PCDHA5: variants seen among roughly 807,000 people sequenced by gnomAD.
PCDHA5 encodes protocadherin alpha 5.
A neutral mutation model predicts 61.6 loss-of-function variants in PCDHA5; 43 were observed. That is an observed-to-expected ratio of 0.70 (90% CI 0.55 to 0.90). The LOEUF is 0.90. Ranked by LOEUF, PCDHA5 falls within the 40% of genes least tolerant of loss-of-function variation. The probability of loss-of-function intolerance (pLI) is 0.00; values close to 1 mark genes in which losing one functional copy is unlikely to be tolerated. For synonymous variants in PCDHA5, 627 were observed against 543.9 expected (o/e 1.15, Z -2.13); for missense variants, 1,298 against 1,222.7 (o/e 1.06, Z -0.92).
chr5:140,841,346 C>T, intron 1 of PCDHA5: 1 of 1,612,554 alleles, frequency 6.2e-7, no homozygotes, highest in Non-Finnish European at 8.5e-7. Context: ...GCGAGGAGAG[C>T]TGGGATCCTG....
intron 1 of PCDHA5, chr5:140,824,550 C>G (rs1768160543): frequency 1.1e-5 from 2 of 175,504 alleles, no homozygotes; most frequent in Non-Finnish European, 2.4e-5. Context: ...CTCCTGGGCT[C>G]AAGTGATCCT....
intron 3 of PCDHA5, among the ~76,000 whole-genome samples, chr5:140,991,403 C>A (rs1230118485): frequency 6.6e-6 from 1 of 152,116 alleles, no homozygotes; most frequent in African/African-American, 2.4e-5. Context: ...TATTTATTTC[C>A]CATTATGCTA....
At chr5:140,928,309 G>C in intron 1 of PCDHA5, 1 of 1,614,124 alleles carries the variant, frequency 6.2e-7, no homozygotes, top group Non-Finnish European at 8.5e-7. Flanking sequence ...CCAGGACCCC[G>C]ACCTGGGGAA....
At chr5:140,870,491 T>C (rs781889223) in intron 1 of PCDHA5, 10 of 1,614,076 alleles carry the variant, frequency 6.2e-6, no homozygotes, top group Non-Finnish European at 8.5e-6. Context: ...ACCGTGTTCG[T>C]GAAGGAGAAC....
chr5:140,843,294 C>T lies in PCDHA5; in HGVS notation c.2352+19167C>T, dbSNP rs2150356676. 4 of 1,595,870 alleles carry T rather than the reference C, an allele frequency of 2.5e-6. No homozygotes were observed. Among genetic ancestry groups the T allele is most frequent in the East Asian group, 4.5e-5 (2 of 44,826 alleles). ...CTGGTGAAGGATCATGGTGAACCTG[C>T]GCTGACCGCCACGGCCACGGTTCTG... On this transcript the variant is annotated intron_variant, in intron 1 of 3. Transcript: ENST00000529859.
At chr5:140,862,887 G>A (rs781965401) in intron 1 of PCDHA5, 8 of 562,884 alleles carry the variant, frequency 1.4e-5, no homozygotes, top group Non-Finnish European at 2.7e-5. Flanking sequence ...GTGCTGGAAC[G>A]ACAACTTTGT....
At chr5:140,937,198 C>T (rs2091402998) in intron 1 of PCDHA5, among the ~76,000 whole-genome samples, 1 of 151,908 alleles carries the variant, frequency 6.6e-6, no homozygotes, top group Non-Finnish European at 1.5e-5. Context: ...CCACCATGCC[C>T]GGCTAATTTT....
At chr5:140,954,287 TG>T (rs1353316805) in intron 1 of PCDHA5, among the ~76,000 whole-genome samples, 1 of 152,248 alleles carries the variant, frequency 6.6e-6, no homozygotes, top group Non-Finnish European at 1.5e-5. Flanking sequence ...TATATTCCTT[TG>T]GGTACATACC....
intron 1 of PCDHA5, chr5:140,927,278 T>C: frequency 6.2e-7 from 1 of 1,614,094 alleles, no homozygotes; most frequent in Non-Finnish European, 8.5e-7. Flanking sequence ...GCCGGCGACG[T>C]GCAGCTGCAC....
At chr5:140,898,507 C>T (rs538521734) in intron 1 of PCDHA5, among the ~76,000 whole-genome samples, 23 of 152,140 alleles carry the variant, frequency 1.5e-4, no homozygotes, top group African/African-American at 5.1e-4. Context: ...TGTAGATATG[C>T]GGCGTTATTT....
intron 1 of PCDHA5, among the ~76,000 whole-genome samples, chr5:140,885,128 T>A (rs2060480813): frequency 6.6e-6 from 1 of 152,222 alleles, no homozygotes; most frequent in Non-Finnish European, 1.5e-5. Context: ...CTTTTCTTTC[T>A]TTCTTTTTTT....
At chr5:140,863,619 G>T (rs929497963) in intron 1 of PCDHA5, 8 of 333,052 alleles carry the variant, frequency 2.4e-5, no homozygotes, top group South Asian at 1.3e-4. Context: ...CCCTCATAGT[G>T]ACATTGATAA....
chr5:140,990,605 A>T (rs1234326404), intron 3 of PCDHA5, among the ~76,000 whole-genome samples: 4 of 152,214 alleles, frequency 2.6e-5, no homozygotes, highest in Non-Finnish European at 4.4e-5. Flanking sequence ...GAGTCAGATG[A>T]ATACCGTAAA....
At chr5:140,950,860 G>A (rs529625926) in intron 1 of PCDHA5, among the ~76,000 whole-genome samples, 25 of 151,860 alleles carry the variant, frequency 1.6e-4, no homozygotes, top group African/African-American at 5.8e-4. Context: ...TCATATTCTT[G>A]TATATTCTAT....
chr5:140,826,325 G>C (rs1455505548), intron 1 of PCDHA5, among the ~76,000 whole-genome samples: 1 of 151,996 alleles, frequency 6.6e-6, no homozygotes, highest in African/African-American at 2.4e-5. Context: ...GATTGTTTTT[G>C]GTTAAGAAAT....
At chr5:140,902,185 TTC>T (rs370111655) in intron 1 of PCDHA5, among the ~76,000 whole-genome samples, 3 of 150,766 alleles carry the variant, frequency 2.0e-5, no homozygotes, top group South Asian at 2.1e-4. Flanking sequence ...CCTTTATGTC[TTC>T]TCTCTCTCTC....
intron 1 of PCDHA5, among the ~76,000 whole-genome samples, chr5:140,906,707 CT>C (rs1554192656): frequency 6.6e-6 from 1 of 152,198 alleles, no homozygotes; most frequent in Non-Finnish European, 1.5e-5. Flanking sequence ...ATTTGTAGTC[CT>C]GCCTGGATTG....
intron 1 of PCDHA5, among the ~76,000 whole-genome samples, chr5:140,888,353 A>G (rs907810387): frequency 1.9e-4 from 29 of 152,220 alleles, no homozygotes; most frequent in African/African-American, 6.8e-4. Context: ...GGGAATTGCT[A>G]CTGGCATCTA....
chr5:140,828,152 C>CT (rs1562294206), intron 1 of PCDHA5: 6 of 1,614,028 alleles, frequency 3.7e-6, no homozygotes, highest in Non-Finnish European at 4.2e-6. Flanking sequence ...GCTTCTGCTC[C>CT]TCGCAGCCTG....
Sources: allele counts gnomAD v4.1 joint callset (sites outside exome capture counted in the v4.1 genomes callset), GRCh38; gene constraint gnomAD v4.1.1; transcripts MANE v1.5; gene names NCBI Gene and HGNC (gene_info 2026-07-23, HGNC 2026-07-21).